Variants in SREBF2 observed in about 807,000 individuals in gnomAD.
SREBF2 encodes the protein sterol regulatory element binding transcription factor 2, also known as sterol regulatory element-binding protein 2.
In SREBF2, 55 loss-of-function variants were observed where a neutral mutation model predicts 113.1. The ratio of observed to expected loss-of-function variants is 0.49; its 90% CI spans 0.39 to 0.61. SREBF2 has a LOEUF of 0.61. Ranked by LOEUF, SREBF2 falls within the 20% of genes least tolerant of loss-of-function variation. The pLI is 0.00. For missense variants in SREBF2, 1,349 were observed against 1,487.4 expected (o/e 0.91, Z 1.53); for synonymous variants, 593 against 605.7 (o/e 0.98, Z 0.31).
chr22:41,901,298 G>A (rs191706284), intron 16 of SREBF2, among the ~76,000 whole-genome samples: 1 of 152,206 alleles, frequency 6.6e-6, no homozygotes, highest in South Asian at 2.1e-4. Context: ...GATATTGTCA[G>A]TGGACCTGGG....
At chr22:41,881,882 G>A (rs181281304) in intron 10 of SREBF2, among the ~76,000 whole-genome samples, 63 of 152,184 alleles carry the variant, frequency 4.1e-4, no homozygotes, top group African/African-American at 1.5e-3. Context: ...GACCAGCCTG[G>A]ACAACGTGGC....
chr22:41,867,487 C>T (rs1344755126), intron 2 of SREBF2, among the ~76,000 whole-genome samples: 1 of 152,102 alleles, frequency 6.6e-6, no homozygotes, highest in Admixed American at 6.6e-5. Flanking sequence ...ATCTATTGCG[C>T]CTAATTCAAA....
intron 1 of SREBF2, among the ~76,000 whole-genome samples, chr22:41,852,304 C>T (rs914492557): frequency 6.6e-6 from 1 of 151,866 alleles, no homozygotes; most frequent in Non-Finnish European, 1.5e-5. Context: ...GGATTATTCC[C>T]ATATTTACAA....
intron 1 of SREBF2, among the ~76,000 whole-genome samples, chr22:41,845,826 C>T (rs916712970): frequency 2.7e-4 from 41 of 152,186 alleles, no homozygotes; most frequent in African/African-American, 9.7e-4. Flanking sequence ...CTGCATAGGA[C>T]AGAGGTTCTC....
chr22:41,839,415 G>A (rs1204799319), intron 1 of SREBF2, among the ~76,000 whole-genome samples: 2 of 152,148 alleles, frequency 1.3e-5, no homozygotes, highest in African/African-American at 4.8e-5. Context: ...GGAGTAGTCT[G>A]TAGATGGTGG....
At chr22:41,860,207 G>A (rs528823314) in intron 1 of SREBF2, among the ~76,000 whole-genome samples, 31 of 149,666 alleles carry the variant, frequency 2.1e-4, no homozygotes, top group African/African-American at 7.4e-4. Context: ...AGAAGAATAA[G>A]TATCTATAAT....
In SREBF2 at chr22:41,870,961, G is replaced by A. The variant is rs771866152; in HGVS notation, c.793G>A (p.Val265Ile). Residue 265 changes from valine (V) to isoleucine (I), a missense_variant, in exon 4 of 19, where the codon GTT becomes ATT. Transcript: ENST00000361204. ...CACACTGAAGACAGATGGCAGCCCT[G>A]TTATGGCTGCGGTCCAGAACCCGGC... ...LTTLKTDGSP[V>I]MAAVQNPALT... 1.2e-6 allele frequency: 2 copies of A among 1,614,122 alleles called. No individual in the cohort carries two copies. Among genetic ancestry groups the A allele is most frequent in the Non-Finnish European group, 1.7e-6 (2 of 1,180,008 alleles).
intron 9 of SREBF2, chr22:41,878,878 A>T: frequency 1.9e-6 from 1 of 528,338 alleles, no homozygotes; most frequent in Non-Finnish European, 3.2e-6. Context: ...TATAGATGTG[A>T]TTTTGAGAGG....
intron 12 of SREBF2, among the ~76,000 whole-genome samples, chr22:41,893,907 T>C (rs981931938): frequency 6.6e-6 from 1 of 152,202 alleles, no homozygotes; most frequent in Non-Finnish European, 1.5e-5. Flanking sequence ...TGCTGTACTT[T>C]TCCTCCCCTC....
At chr22:41,845,055 C>T (rs535295562) in intron 1 of SREBF2, among the ~76,000 whole-genome samples, 8 of 151,474 alleles carry the variant, frequency 5.3e-5, no homozygotes, top group Admixed American at 1.3e-4. Flanking sequence ...CCTGTAATCC[C>T]GAGTAGCTGG....
chr22:41,897,028 T>C (rs776402088), intron 13 of SREBF2, 24 bp from the exon 14 acceptor site: 12 of 1,554,898 alleles, frequency 7.7e-6, no homozygotes, highest in Non-Finnish European at 1.1e-5. Context: ...TTGATGTACA[T>C]GGGACCCTTT....
At chr22:41,899,252 C>T (rs2148418148) in intron 15 of SREBF2, 1 of 1,073,400 alleles carries the variant, frequency 9.3e-7, no homozygotes, top group East Asian at 7.0e-5. Context: ...TCCACCCCCA[C>T]CATCAACCCT....
intron 1 of SREBF2, among the ~76,000 whole-genome samples, chr22:41,838,994 C>T (rs974453953): frequency 6.6e-6 from 1 of 152,142 alleles, no homozygotes; most frequent in Non-Finnish European, 1.5e-5. Flanking sequence ...AAAGGTGTGT[C>T]TGATGAGGAA....
chr22:41,897,312 C>A, intron 14 of SREBF2, 151 bp downstream of exon 14: 1 of 590,708 alleles, frequency 1.7e-6, no homozygotes, highest in Non-Finnish European at 3.0e-6. Flanking sequence ...TCACAGTCAC[C>A]CCCTCCCAAA....
intron 9 of SREBF2, chr22:41,878,678 C>T: frequency 7.7e-7 from 1 of 1,304,228 alleles, no homozygotes. Flanking sequence ...GGAAAAAAAT[C>T]TGGGGCAACT....
intron 1 of SREBF2, among the ~76,000 whole-genome samples, chr22:41,857,640 C>T (rs901306638): frequency 1.3e-5 from 2 of 152,206 alleles, no homozygotes; most frequent in East Asian, 1.9e-4. Flanking sequence ...AGAGTTCACT[C>T]ATCTGTTGCT....
chr22:41,885,675 C>CA, intron 11 of SREBF2: 3 of 159,644 alleles, frequency 1.9e-5, no homozygotes, highest in South Asian at 1.8e-4. Flanking sequence ...AACATGCTGA[C>CA]CTCAGGCTTT....
At position 41,878,013 on chromosome 22, in the gene SREBF2, A is replaced by G; in HGVS notation, c.1651A>G (p.Ser551Gly). 11 of 1,613,998 alleles carry G rather than the reference A, an allele frequency of 6.8e-6. No individual in the cohort carries two copies. Among genetic ancestry groups the G allele is most frequent in the Non-Finnish European group, 9.3e-6 (11 of 1,180,012 alleles). Residue 551 changes from serine to glycine, a missense_variant, in exon 9 of 19, where the codon AGC becomes GGC. By Grantham distance (56) the Ser-to-Gly change is moderately conservative. Coordinates refer to ENST00000361204, the MANE Select transcript of SREBF2 (RefSeq NM_004599.4). ...GCTGGTAAATGGTGTGATTGTCCTG[A>G]GCGTCTTTGTGAAGCTGCTGGTTCA... ...LWLVNGVIVL[S>G]VFVKLLVHGE... is the part of the protein sequence containing the mutation.
intron 1 of SREBF2, among the ~76,000 whole-genome samples, chr22:41,862,328 G>A (rs1444136549): frequency 6.6e-6 from 1 of 152,212 alleles, no homozygotes; most frequent in African/African-American, 2.4e-5. Context: ...TGCTTTTAGA[G>A]ACCAGAACCC....
Sources: gnomAD v4.1 joint callset for allele counts (sites outside exome capture counted in the v4.1 genomes callset) on GRCh38, gnomAD v4.1.1 for gene constraint, MANE v1.5 for transcripts, NCBI Gene and HGNC (gene_info 2026-07-23, HGNC 2026-07-21) for gene names.